Variants in LEMD1 observed in about 807,000 individuals in gnomAD.
LEMD1 encodes the protein LEM domain containing 1.
A neutral mutation model predicts 17.4 loss-of-function variants in LEMD1; 18 were observed. The ratio of observed to expected loss-of-function variants is 1.04; its 90% CI spans 0.72 to 1.54. The LOEUF (loss-of-function observed/expected upper bound fraction) is 1.54. Among genes scored for constraint, LEMD1 ranks in the 40% most tolerant of loss-of-function variants. The probability of loss-of-function intolerance (pLI) is 0.00; values close to 1 mark genes in which losing one functional copy is unlikely to be tolerated. For synonymous variants in LEMD1, 88 were observed against 77.8 expected (o/e 1.13, Z -0.69); for missense variants, 195 against 210.4 (o/e 0.93, Z 0.45).
At position 205,400,944 on chromosome 1, in the gene LEMD1, G is replaced by T. The variant is rs537079759; in HGVS notation, c.270+15288C>A. ...TCCCATCTATGAGTGAGAACATGTG[G>T]TGTTTGGTTTTTTGTCCTTGCGATA... On this transcript the variant is annotated intron_variant, in intron 4 of 5. Transcript: ENST00000367153. Among the ~76,000 whole-genome samples, 2 of 148,896 alleles carry T rather than the reference G, an allele frequency of 1.3e-5. 1 individual carries two copies. Among genetic ancestry groups the T allele is most frequent in the Non-Finnish European group, 3.0e-5 (2 of 67,562 alleles).
intron 1 of LEMD1, among the ~76,000 whole-genome samples, chr1:205,438,176 G>A (rs540986095): frequency 1.3e-5 from 2 of 152,274 alleles, no homozygotes; most frequent in South Asian, 4.1e-4. Flanking sequence ...AATGGCCATG[G>A]GAAGTCCTCG....
At chr1:205,412,323 C>T (rs961154140) in intron 4 of LEMD1, among the ~76,000 whole-genome samples, 14 of 151,860 alleles carry the variant, frequency 9.2e-5, no homozygotes, top group African/African-American at 3.4e-4. Context: ...TGGAAAAAAT[C>T]CCCAATTAAA....
chr1:205,408,763 G>A (rs1009060655), intron 4 of LEMD1, among the ~76,000 whole-genome samples: 1 of 151,864 alleles, frequency 6.6e-6, no homozygotes, highest in African/African-American at 2.4e-5. Context: ...ACCTCCCAAA[G>A]TGCTGAGATT....
chr1:205,384,500 T>C, intron 4 of LEMD1, 136 bp from the exon 5 acceptor site: 2 of 522,870 alleles, frequency 3.8e-6, no homozygotes. Context: ...TACTTTAAAA[T>C]ACAAACTTGT....
chr1:205,391,268 C>G (rs934486959), intron 4 of LEMD1, among the ~76,000 whole-genome samples: 1 of 152,066 alleles, frequency 6.6e-6, no homozygotes, highest in Admixed American at 6.6e-5. Flanking sequence ...ATACCTAAAA[C>G]AAGCCTATGA....
intron 1 of LEMD1, among the ~76,000 whole-genome samples, chr1:205,431,562 A>G (rs934035473): frequency 2.6e-5 from 4 of 152,162 alleles, no homozygotes; most frequent in African/African-American, 9.7e-5. Context: ...TCTTCCCTCC[A>G]TAGCCAATTG....
At chr1:205,423,472 T>G (rs1174491757), upstream of LEMD1, among the ~76,000 whole-genome samples, 1 of 152,188 alleles carries the variant, frequency 6.6e-6, no homozygotes, top group Non-Finnish European at 1.5e-5. Flanking sequence ...ACAGTTAGAC[T>G]ATTGGGATGA....
intron 1 of LEMD1, among the ~76,000 whole-genome samples, chr1:205,443,475 C>G (rs1171821289): frequency 2.0e-5 from 3 of 152,058 alleles, no homozygotes; most frequent in Non-Finnish European, 4.4e-5. Context: ...GTCACAGGAA[C>G]CAGAACCTAC....
At chr1:205,405,931 C>G (rs1377482631) in intron 4 of LEMD1, among the ~76,000 whole-genome samples, 1 of 152,290 alleles carries the variant, frequency 6.6e-6, no homozygotes, top group Non-Finnish European at 1.5e-5. Context: ...AGACAGGAAC[C>G]TCAGCTGCAG....
chr1:205,403,516 T>C (rs1664950068), intron 4 of LEMD1, among the ~76,000 whole-genome samples: 1 of 152,190 alleles, frequency 6.6e-6, no homozygotes. Flanking sequence ...TCTGTGATGG[T>C]AGTTTGTATT....
intron 1 of LEMD1, among the ~76,000 whole-genome samples, chr1:205,430,916 T>G (rs1039827247): frequency 6.6e-6 from 1 of 152,222 alleles, no homozygotes; most frequent in African/African-American, 2.4e-5. Context: ...GGGGCTGTTT[T>G]TCCTTCACAC....
chr1:205,387,771 A>C (rs1374710592), intron 4 of LEMD1, among the ~76,000 whole-genome samples: 1 of 152,212 alleles, frequency 6.6e-6, no homozygotes, highest in Non-Finnish European at 1.5e-5. Flanking sequence ...CCACACTCCC[A>C]AGGCCTGAAG....
intron 4 of LEMD1, among the ~76,000 whole-genome samples, chr1:205,406,087 G>C (rs1339486631): frequency 6.6e-6 from 1 of 152,226 alleles, no homozygotes; most frequent in Admixed American, 6.5e-5. Context: ...GGAGTACCCG[G>C]CTGTGTGAGG....
At chr1:205,409,956 G>C (rs1473445026) in intron 4 of LEMD1, among the ~76,000 whole-genome samples, 1 of 151,944 alleles carries the variant, frequency 6.6e-6, no homozygotes, top group Non-Finnish European at 1.5e-5. Flanking sequence ...TGTATTTTTA[G>C]TAGAGATGGA....
intron 5 of LEMD1, among the ~76,000 whole-genome samples, chr1:205,383,779 G>A (rs963771732): frequency 1.3e-5 from 2 of 150,688 alleles, no homozygotes; most frequent in African/African-American, 4.9e-5. Context: ...GATTACAGGC[G>A]CATGCCACCA....
At chr1:205,409,771 T>A (rs906893958) in intron 4 of LEMD1, among the ~76,000 whole-genome samples, 1 of 131,012 alleles carries the variant, frequency 7.6e-6, no homozygotes, top group African/African-American at 3.1e-5. Context: ...GCCCAGTTAA[T>A]TAATTTTTTT....
At chr1:205,413,353 T>C (rs1665539346) in intron 4 of LEMD1, among the ~76,000 whole-genome samples, 1 of 152,104 alleles carries the variant, frequency 6.6e-6, no homozygotes, top group Non-Finnish European at 1.5e-5. Flanking sequence ...AGTGGTGTCA[T>C]CATGGCTTAC....
intron 1 of LEMD1, among the ~76,000 whole-genome samples, chr1:205,446,605 C>T (rs545555848): frequency 6.6e-6 from 1 of 152,316 alleles, no homozygotes; most frequent in South Asian, 2.1e-4. Context: ...GGTGGCATGG[C>T]TCTAACCTGG....
chr1:205,445,876 A>G (rs1272857846), intron 1 of LEMD1, among the ~76,000 whole-genome samples: 1 of 152,134 alleles, frequency 6.6e-6, no homozygotes, highest in East Asian at 1.9e-4. Context: ...TTTTTTCCCC[A>G]ATAGTCTTTA....
Sources: allele counts gnomAD v4.1 joint callset (sites outside exome capture counted in the v4.1 genomes callset), GRCh38; gene constraint gnomAD v4.1.1; transcripts MANE v1.5; gene names NCBI Gene and HGNC (gene_info 2026-07-23, HGNC 2026-07-21).